SRPRA: variants seen among roughly 807,000 people sequenced by gnomAD.
SRPRA encodes signal recognition particle receptor subunit alpha.
SRPRA carries 30 observed loss-of-function variants against 61.1 expected under a neutral mutation model. That is an observed-to-expected ratio of 0.49 (90% CI 0.37 to 0.67). The LOEUF (loss-of-function observed/expected upper bound fraction) is 0.67, where lower values mean the gene tolerates loss of function less well. SRPRA is among the 30% of genes least tolerant of loss of function. SRPRA has a pLI of 0.00. For missense variants in SRPRA, 759 were observed against 828.4 expected, an observed-to-expected ratio of 0.92 and a Z score of 1.03; for synonymous variants, 324 against 299.7, an observed-to-expected ratio of 1.08 and a Z score of -0.84.
the SRPRA span, chr11:126,250,579 T>G: frequency 1.2e-6 from 2 of 1,614,130 alleles, no homozygotes. This position sits in a 1 kb window ranked among gnomAD's most constrained non-coding sequence, Gnocchi z 5.1. Flanking sequence ...GAGTCAAAGA[T>G]GGAAGATTCT....
chr11:126,249,674 G>C, the SRPRA span, among the ~76,000 whole-genome samples: 7 of 142,752 alleles, frequency 4.9e-5, no homozygotes, highest in South Asian at 2.4e-4. Flanking sequence ...GGAGGTTGCA[G>C]TGAGCCGAGA....
At position 126,266,888 on chromosome 11, in the gene SRPRA, G is replaced by T. The variant is rs766081101; in HGVS notation, c.561C>A (p.Val187=). 2 of 1,614,148 alleles carry T rather than the reference G, an allele frequency of 1.2e-6. No homozygotes were observed. Among genetic ancestry groups the T allele is most frequent in the Non-Finnish European group, 1.7e-6 (2 of 1,180,032 alleles). Residue 187 remains valine (V), a synonymous_variant, in exon 5 of 14, where the codon GTC becomes GTA. Transcript: ENST00000332118. ...SDGPLATSKP[V]PAEKSGLPVG... Reference sequence around the variant, plus strand: ...CTGGAAGACCTGACTTTTCTGCAGGGACTGGTTTGCTGGTAGCCAAAGGAC... The same window carrying T: ...CTGGAAGACCTGACTTTTCTGCAGGTACTGGTTTGCTGGTAGCCAAAGGAC...
Position 126,267,410 on chromosome 11 carries a change from C to A in SRPRA, c.366-75G>T. The A allele has an allele frequency of 1.3e-6, 2 of 1,595,640 alleles. No homozygotes were observed. Among genetic ancestry groups the A allele is most frequent in the Middle Eastern group, 1.7e-4 (1 of 5,964 alleles). ...AATAACGGTCCAGAGAAAGGACTCT[C>A]ACACCCAAGAGGACAATGAGAACTG... On this transcript the variant is annotated intron_variant, in intron 3 of 13. Coordinates refer to ENST00000332118, the MANE Select transcript of SRPRA (RefSeq NM_003139.4). This position sits in a 1 kb window ranked among gnomAD's most constrained non-coding sequence, Gnocchi z 4.2.
chr11:126,238,790 C>T, the SRPRA span, among the ~76,000 whole-genome samples: 1 of 152,006 alleles, frequency 6.6e-6, no homozygotes, highest in Admixed American at 6.6e-5. Context: ...GGGAATCGGC[C>T]TTTGCATTAC....
chr11:126,238,713 C>T, the SRPRA span, among the ~76,000 whole-genome samples: 1 of 152,152 alleles, frequency 6.6e-6, no homozygotes, highest in Non-Finnish European at 1.5e-5. Flanking sequence ...GTAACTGATT[C>T]TCCTATTTTA....
chr11:126,253,349 T>C, the SRPRA span, among the ~76,000 whole-genome samples: 2 of 152,142 alleles, frequency 1.3e-5, no homozygotes, highest in Non-Finnish European at 2.9e-5. This position sits in a 1 kb window ranked among gnomAD's most constrained non-coding sequence, Gnocchi z 5.1. Flanking sequence ...ACTTTCCTGA[T>C]TCATAGCCTA....
Position 126,265,641 on chromosome 11 carries a change from G to T in SRPRA, c.1138+96C>A. On this transcript the variant is annotated intron_variant, in intron 9 of 13. Transcript: ENST00000332118. The surrounding 1 kb of genome is among the most constrained non-coding windows in gnomAD (Gnocchi z 6.3). ...AAATCTAGGTTACAGAGGTTTAGAGGTTAAGGAATTTGCCGAAAGTCACAT... is the reference window on the plus strand; with the variant it reads ...AAATCTAGGTTACAGAGGTTTAGAGTTTAAGGAATTTGCCGAAAGTCACAT... 7.1e-7 allele frequency: 1 copy of T among 1,398,808 alleles called. No homozygotes were observed. Among genetic ancestry groups the T allele is most frequent in the Non-Finnish European group, 1.0e-6 (1 of 999,546 alleles). 86.6% of individuals were successfully genotyped at this position (1,398,808 alleles called of 1,614,324 possible).
At chr11:126,268,481 G>C (rs1950868056) in intron 1 of SRPRA, among the ~76,000 whole-genome samples, 1 of 151,932 alleles carries the variant, frequency 6.6e-6, no homozygotes, top group African/African-American at 2.4e-5. Context: ...AATTCGGCTA[G>C]AGTTGAGACA....
chr11:126,239,970 T>TTAGA, the SRPRA span, among the ~76,000 whole-genome samples: 1 of 152,140 alleles, frequency 6.6e-6, no homozygotes, highest in Admixed American at 6.5e-5. Flanking sequence ...ATTTTATTAT[T>TTAGA]TAGACAAAAA....
chr11:126,244,230 A>G, the SRPRA span, among the ~76,000 whole-genome samples: 2 of 152,156 alleles, frequency 1.3e-5, no homozygotes, highest in Non-Finnish European at 2.9e-5. This position sits in a 1 kb window ranked among gnomAD's most constrained non-coding sequence, Gnocchi z 4.5. Context: ...ATGGTGCTGG[A>G]TGTTCTAGAC....
At chr11:126,249,731 CAAAAAAAA>C in the SRPRA span, among the ~76,000 whole-genome samples, 3 of 79,016 alleles carry the variant, frequency 3.8e-5, no homozygotes, top group African/African-American at 1.0e-4. Flanking sequence ...GACTCCGTCT[CAAAAAAAA>C]AAAAAAAAAA....
the SRPRA span, chr11:126,254,337 G>A: frequency 3.1e-6 from 5 of 1,613,818 alleles, no homozygotes; most frequent in African/African-American, 6.7e-5. Context: ...AGCGTAAGCT[G>A]AGCGTGTTGC....
chr11:126,240,801 T>A, the SRPRA span: 1 of 1,603,936 alleles, frequency 6.2e-7, no homozygotes, highest in South Asian at 1.1e-5. Context: ...GGAAGCTGCT[T>A]CCAAGCTTAA....
In SRPRA at chr11:126,266,577, C is replaced by G. The variant is rs758182824; in HGVS notation, c.739G>C (p.Val247Leu). 11 of 1,614,182 alleles carry G rather than the reference C, an allele frequency of 6.8e-6. No homozygotes were observed. The highest frequency in any genetic ancestry group is 7.6e-6 in the Non-Finnish European group (9 of 1,180,036). The part of the protein sequence containing the change: ...PKEKGKKAPR[V>L]WELGGCANKE... ...TTAGCACAGCCACCCAGTTCCCACA[C>G]CCGGGGTGCTTTTTTGCCCTTCTCC... Residue 247 changes from valine to leucine, a missense_variant, in exon 6 of 14, where the codon GTG (valine) becomes CTG (leucine). By Grantham distance (32) the Val-to-Leu change is conservative (BLOSUM62 1). Coordinates refer to ENST00000332118, the MANE Select transcript of SRPRA (RefSeq NM_003139.4).
At chr11:126,251,716 AG>A in the SRPRA span, among the ~76,000 whole-genome samples, 2 of 147,488 alleles carry the variant, frequency 1.4e-5, no homozygotes, top group African/African-American at 5.0e-5. Context: ...TGTAGCACTT[AG>A]TATTAACTTG....
chr11:126,266,621 G>A lies in SRPRA; in HGVS notation c.695C>T (p.Thr232Met), dbSNP rs148507841. The change falls in exon 6 of 14, where the codon ACG becomes ATG. Residue 232 changes from threonine (T) to methionine (M), a missense_variant. Thr to Met is a moderately conservative substitution (Grantham distance 81). This residue lies in a region of SRPRA where 475 missense variants were observed against 462.5 expected (regional missense o/e 1.03). Transcript: ENST00000332118. ...GRGMEKSNKS[T>M]KSDAPKEKGK... ...CTTCTCCTTTGGAGCATCTGACTTC[G>A]TGGACTTGCTGCAACAGGTTATGAT... 28 of 1,613,634 alleles carry A rather than the reference G, an allele frequency of 1.7e-5. No homozygotes were observed. In the East Asian group the frequency reaches 2.5e-4, roughly 14 times the overall value.
At chr11:126,244,853 A>G in the SRPRA span, among the ~76,000 whole-genome samples, 1 of 152,000 alleles carries the variant, frequency 6.6e-6, no homozygotes, top group East Asian at 1.9e-4. The surrounding 1 kb of genome is among the most constrained non-coding windows in gnomAD (Gnocchi z 4.5). Flanking sequence ...ACTACAAAAC[A>G]CTGAAAGAAA....
the SRPRA span, among the ~76,000 whole-genome samples, chr11:126,246,725 GCTA>G: frequency 6.6e-6 from 1 of 152,204 alleles, no homozygotes; most frequent in South Asian, 2.1e-4. Flanking sequence ...ACAGGCTTGA[GCTA>G]CCATGCCAAT....
At position 126,267,718 on chromosome 11, in the gene SRPRA, T is replaced by G. The variant is rs376217296; in HGVS notation, c.202-6A>C. On this transcript the variant is annotated splice_polypyrimidine_tract_variant and splice_region_variant and intron_variant, in intron 2 of 13. Transcript: ENST00000332118. This position sits in a 1 kb window ranked among gnomAD's most constrained non-coding sequence, Gnocchi z 4.2. ...AGGATCTTCTGAAAACCAACCTGTT[T>G]AGGGGAAGAAACAGCCAACAGATCT... is the stretch of plus-strand genomic sequence containing the variant. 1.4e-5 allele frequency: 23 copies of G among 1,613,828 alleles called. No individual in the cohort carries two copies. The highest frequency in any genetic ancestry group is 1.0e-4 in the Admixed American group (6 of 60,004).
Sources: gnomAD v4.1 joint callset for allele counts (sites outside exome capture counted in the v4.1 genomes callset) on GRCh38, gnomAD v4.1.1 for gene constraint, gnomAD v4.1.1 regional missense constraint, Gnocchi (gnomAD v3.1) non-coding constraint, MANE v1.5 for transcripts, NCBI Gene and HGNC (gene_info 2026-07-23, HGNC 2026-07-21) for gene names.